The following EQTN variants were observed in gnomAD, a reference collection of about 807,000 sequenced individuals.
The protein encoded by EQTN is equatorin, also known as Acrosome formation associated factor.
Under a neutral mutation model 26.9 loss-of-function variants are expected in EQTN, and 29 were observed. The observed-to-expected ratio is 1.08, with a 90% CI of 0.80 to 1.47. The LOEUF (loss-of-function observed/expected upper bound fraction) is 1.47, where lower values mean the gene tolerates loss of function less well. EQTN is among the 40% of genes most tolerant of loss of function. The probability of loss-of-function intolerance (pLI) is 0.00; values close to 1 mark genes in which losing one functional copy is unlikely to be tolerated. For synonymous variants in EQTN, 129 were observed against 120.0 expected (o/e 1.07, Z -0.49); for missense variants, 391 against 346.1 (o/e 1.13, Z -1.03).
intron 6 of EQTN, among the ~76,000 whole-genome samples, chr9:27,286,637 T>C (rs574088115): frequency 1.3e-5 from 2 of 152,334 alleles, no homozygotes; most frequent in East Asian, 3.9e-4. Flanking sequence ...GCATAGCACA[T>C]AGTAAGTGGC....
chr9:27,286,372 A>G lies in EQTN; in HGVS notation c.482-10T>C. ...GCATTCACATCAGACTCTGAAAAGA[A>G]AGAGAATGCAGTGGAAAATAGGGTG... On this transcript the variant is annotated splice_polypyrimidine_tract_variant and intron_variant, in intron 6 of 7. Transcript: ENST00000380032. The G allele has an allele frequency of 6.3e-7, 1 of 1,577,720 alleles. No homozygotes were observed. The highest frequency in any genetic ancestry group is 1.7e-4 in the Middle Eastern group (1 of 5,860).
Position 27,291,016 on chromosome 9 carries a change from T to C in EQTN, c.421+3A>G, listed in dbSNP as rs1250740981. Reference sequence around the variant, plus strand: ...CCCAAGCTACCTAGCTGTATGACTTTACCTTTAGCTAACATTGTCCAAAAT... The same window carrying C: ...CCCAAGCTACCTAGCTGTATGACTTCACCTTTAGCTAACATTGTCCAAAAT... On this transcript the variant is annotated splice_donor_region_variant and intron_variant, in intron 5 of 7. Coordinates refer to ENST00000380032, the MANE Select transcript of EQTN (RefSeq NM_020641.3). 1 of 1,611,690 alleles carries C rather than the reference T, an allele frequency of 6.2e-7. No individual in the cohort carries two copies.
chr9:27,286,249 C>A lies in EQTN; in HGVS notation c.595G>T (p.Ala199Ser), dbSNP rs372917062. 4.3e-6 allele frequency: 7 copies of A among 1,613,736 alleles called. No homozygotes were observed. The African/African-American group carries it at 6.7e-5, about 15-fold the overall frequency. ...MTLLLFVVLL[A>S]FCSATLYKLR... ...TTGTACAGTGTAGCACTACAGAATG[C>A]CAAGAGGACCACAAAGAGGAGGAGG... is the stretch of plus-strand genomic sequence containing the variant. Residue 199 changes from alanine (A) to serine (S), a missense_variant, in exon 7 of 8, where the codon GCA (alanine) becomes TCA (serine). Coordinates refer to ENST00000380032, the MANE Select transcript of EQTN (RefSeq NM_020641.3).
Position 27,284,694 on chromosome 9 carries a change from A to T in EQTN, c.*29T>A. The T allele has an allele frequency of 1.3e-6, 2 of 1,593,368 alleles. No homozygotes were observed. The highest frequency in any genetic ancestry group is 2.3e-5 in the South Asian group (2 of 87,692). The stretch of plus-strand genomic sequence containing the variant: ...AATTAAAGTTATTTATTCATCAATA[A>T]GATTTCTTCACCGGGTTCCTTGATT... On this transcript the variant is annotated 3_prime_UTR_variant, in exon 8 of 8. Transcript: ENST00000380032.
At position 27,284,948 on chromosome 9, in the gene EQTN, G is replaced by A. The variant is rs372622932; in HGVS notation, c.660C>T (p.Tyr220=). 4.3e-6 allele frequency: 7 copies of A among 1,613,096 alleles called. No individual in the cohort carries two copies. Among genetic ancestry groups the A allele is most frequent in the African/African-American group, 1.3e-5 (1 of 74,976 alleles). ...TCGTGGCCAGCTCTGGGTTGACAGA[G>A]TACTGACTCTCACAACTTTTATAAC... is the stretch of plus-strand genomic sequence containing the variant. ...HLSYKSCESQ[Y]SVNPELATMS... is the part of the protein sequence containing the mutation. Residue 220 remains tyrosine, a synonymous_variant, in exon 8 of 8, where the codon TAC becomes TAT. Transcript: ENST00000380032.
chr9:27,291,143 G>A (rs201175724), intron 4 of EQTN, 80 bp from the exon 5 acceptor site: 345 of 1,161,502 alleles, frequency 3.0e-4, no homozygotes, highest in South Asian at 1.3e-3. Flanking sequence ...AGGAACATTC[G>A]TTTGTTAGTC....
intron 6 of EQTN, among the ~76,000 whole-genome samples, chr9:27,288,454 G>A (rs1820163605): frequency 6.6e-6 from 1 of 152,218 alleles, no homozygotes; most frequent in African/African-American, 2.4e-5. Context: ...AGGATTACAG[G>A]CAAGCCACCC....
rs1260085943 is a variant in EQTN at position 27,286,255 on chromosome 9, G to A, written c.589C>T (p.Leu197Phe). ...AGTGTAGCACTACAGAATGCCAAGAGGACCACAAAGAGGAGGAGGGTCATC... is the reference window on the plus strand; with the variant it reads ...AGTGTAGCACTACAGAATGCCAAGAAGACCACAAAGAGGAGGAGGGTCATC... The part of the protein sequence containing the change: ...SLMTLLLFVV[L>F]LAFCSATLYK... Residue 197 changes from leucine (L) to phenylalanine (F), a missense_variant, in exon 7 of 8, where the codon CTC becomes TTC. By Grantham distance (22) the Leu-to-Phe change is conservative. Coordinates refer to ENST00000380032, the MANE Select transcript of EQTN (RefSeq NM_020641.3). The A allele has an allele frequency of 1.9e-6, 3 of 1,613,758 alleles. No homozygotes were observed. The highest frequency in any genetic ancestry group is 2.7e-5 in the African/African-American group (2 of 74,908).
Position 27,284,689 on chromosome 9 carries a change from C to T in EQTN, c.*34G>A. On this transcript the variant is annotated 3_prime_UTR_variant, in exon 8 of 8. Coordinates refer to ENST00000380032, the MANE Select transcript of EQTN (RefSeq NM_020641.3). Reference sequence around the variant, plus strand: ...AAAATAATTAAAGTTATTTATTCATCAATAAGATTTCTTCACCGGGTTCCT... The same window carrying T: ...AAAATAATTAAAGTTATTTATTCATTAATAAGATTTCTTCACCGGGTTCCT... 1 of 1,589,704 alleles carries T rather than the reference C, an allele frequency of 6.3e-7. No individual in the cohort carries two copies. The highest frequency in any genetic ancestry group is 1.8e-5 in the Admixed American group (1 of 56,126).
chr9:27,290,567 T>G (rs1405130269), intron 5 of EQTN, among the ~76,000 whole-genome samples: 1 of 152,260 alleles, frequency 6.6e-6, no homozygotes, highest in Non-Finnish European at 1.5e-5. Context: ...CATCCATATA[T>G]GCACATGCAT....
At chr9:27,288,276 G>C (rs1008089560) in intron 6 of EQTN, among the ~76,000 whole-genome samples, 63 of 152,034 alleles carry the variant, frequency 4.1e-4, no homozygotes, top group African/African-American at 1.5e-3. Flanking sequence ...TTCAAATTAG[G>C]AGTTTTACCT....
At chr9:27,289,276 A>G (rs1205961342) in intron 6 of EQTN, among the ~76,000 whole-genome samples, 4 of 152,210 alleles carry the variant, frequency 2.6e-5, no homozygotes, top group Non-Finnish European at 5.9e-5. Context: ...TGGGAGGTAT[A>G]ACTAAAAAAG....
Position 27,291,189 on chromosome 9 carries a change from C to T in EQTN, c.377-126G>A, listed in dbSNP as rs1008695780. On this transcript the variant is annotated intron_variant, in intron 4 of 7. Transcript: ENST00000380032. ...TAAACTTTGAGCTCCTATAATGTGT[C>T]AGACCTGTGGTTGGCACTAACTTAT... The T allele has an allele frequency of 4.1e-5, 31 of 757,232 alleles. No homozygotes were observed. In the African/African-American group the frequency reaches 6.3e-4, roughly 15 times the overall value. 46.9% of individuals were successfully genotyped at this position (757,232 alleles called of 1,614,324 possible).
chr9:27,284,741 A>T lies in EQTN; in HGVS notation c.867T>A (p.Asp289Glu). ...GATTTCTTCACCGGGTAACCGACTC[A>T]TCGTTTTCATGCATCTCATTATCTG... ...IGSDNEMHEN[D>E]ESVTR Residue 289 changes from aspartate (D) to glutamate (E), a missense_variant, in exon 8 of 8, where the codon GAT (aspartate) becomes GAA (glutamate). Transcript: ENST00000380032. The T allele has an allele frequency of 6.2e-7, 1 of 1,613,608 alleles. No individual in the cohort carries two copies. Among genetic ancestry groups the T allele is most frequent in the South Asian group, 1.1e-5 (1 of 90,988 alleles).
In EQTN at chr9:27,286,304, G is replaced by A; in HGVS notation, c.540C>T (p.Ile180=). ...TCAACGAGATTCCCAGCATTATTTTGATCTTCAGATCCTCTAGATCTGGCT... is the reference window on the plus strand; with the variant it reads ...TCAACGAGATTCCCAGCATTATTTTAATCTTCAGATCCTCTAGATCTGGCT... ...ENQPDLEDLK[I]KIMLGISLMT... The change falls in exon 7 of 8, where the codon ATC becomes ATT. Residue 180 remains isoleucine (I), a synonymous_variant. Coordinates refer to ENST00000380032, the MANE Select transcript of EQTN (RefSeq NM_020641.3). The A allele has an allele frequency of 6.2e-7, 1 of 1,609,638 alleles. No homozygotes were observed. Among genetic ancestry groups the A allele is most frequent in the Non-Finnish European group, 8.5e-7 (1 of 1,177,872 alleles).
At position 27,284,726 on chromosome 9, in the gene EQTN, C is replaced by T. The variant is rs1432517997; in HGVS notation, c.882G>A (p.Arg294=). The change falls in exon 8 of 8, where the codon CGG becomes CGA. Residue 294 remains arginine, a synonymous_variant. Transcript: ENST00000380032. ...EMHENDESVT[R] Reference sequence around the variant, plus strand: ...TTCACCGGGTTCCTTGATTTCTTCACCGGGTAACCGACTCATCGTTTTCAT... The same window carrying T: ...TTCACCGGGTTCCTTGATTTCTTCATCGGGTAACCGACTCATCGTTTTCAT... The T allele has an allele frequency of 6.2e-7, 1 of 1,609,434 alleles. No individual in the cohort carries two copies. The highest frequency in any genetic ancestry group is 1.1e-5 in the South Asian group (1 of 90,046).
intron 6 of EQTN, among the ~76,000 whole-genome samples, chr9:27,288,679 A>G (rs1820167489): frequency 6.6e-6 from 1 of 152,250 alleles, no homozygotes; most frequent in Non-Finnish European, 1.5e-5. Flanking sequence ...AGTAATAAAA[A>G]TAAATGAGCT....
At position 27,286,304 on chromosome 9, in the gene EQTN, G is replaced by C. The variant is rs1304004514; in HGVS notation, c.540C>G (p.Ile180Met). 6.2e-7 allele frequency: 1 copy of C among 1,609,638 alleles called. No individual in the cohort carries two copies. ...TCAACGAGATTCCCAGCATTATTTT[G>C]ATCTTCAGATCCTCTAGATCTGGCT... ...ENQPDLEDLKIKIMLGISLMT... is the reference protein window; with the variant it reads ...ENQPDLEDLKMKIMLGISLMT... The change falls in exon 7 of 8, where the codon ATC (isoleucine) becomes ATG (methionine). Residue 180 changes from isoleucine to methionine, a missense_variant. Coordinates refer to ENST00000380032, the MANE Select transcript of EQTN (RefSeq NM_020641.3).
Position 27,296,893 on chromosome 9 carries a change from T to C in EQTN, c.76+87A>G. On this transcript the variant is annotated intron_variant, in intron 1 of 7. Transcript: ENST00000380032. ...CAACAATAAAGTTTATATCCTCCTG[T>C]AGAAAACTGCCACATACCAATTTTT... 3 of 1,566,750 alleles carry C rather than the reference T, an allele frequency of 1.9e-6. No individual in the cohort carries two copies. In the African/African-American group the frequency reaches 4.1e-5, roughly 22 times the overall value.
Sources: gnomAD v4.1 joint callset for allele counts (sites outside exome capture counted in the v4.1 genomes callset) on GRCh38, gnomAD v4.1.1 for gene constraint, MANE v1.5 for transcripts, NCBI Gene and HGNC (gene_info 2026-07-23, HGNC 2026-07-21) for gene names.